Variants in TMEM123 observed in about 807,000 individuals in gnomAD.
TMEM123 encodes the protein porimin.
Under a neutral mutation model 19.7 loss-of-function variants are expected in TMEM123, and 16 were observed. That is an observed-to-expected ratio of 0.81 (90% CI 0.55 to 1.23). The LOEUF (loss-of-function observed/expected upper bound fraction) is 1.23. Ranked by LOEUF, TMEM123 falls within the 50% of genes most tolerant of loss-of-function variation. TMEM123 has a pLI of 0.00. For missense variants in TMEM123, 313 were observed against 257.8 expected (o/e 1.21, Z -1.47); for synonymous variants, 118 against 99.4 (o/e 1.19, Z -1.12).
At chr11:102,415,328 A>G (rs2051794006) in intron 2 of TMEM123, among the ~76,000 whole-genome samples, 1 of 152,200 alleles carries the variant, frequency 6.6e-6, no homozygotes, top group Admixed American at 6.5e-5. Context: ...CACTTGACCA[A>G]ATGGATCTAA....
intron 2 of TMEM123, among the ~76,000 whole-genome samples, chr11:102,433,499 C>T (rs1279710564): frequency 7.2e-5 from 11 of 151,816 alleles, no homozygotes; most frequent in African/African-American, 2.7e-4. Flanking sequence ...TAGGAAGTAA[C>T]TAACTTGCTT....
At chr11:102,402,878 A>C (rs903055921) in intron 2 of TMEM123, among the ~76,000 whole-genome samples, 2 of 152,250 alleles carry the variant, frequency 1.3e-5, no homozygotes, top group Non-Finnish European at 2.9e-5. Context: ...ATTTTGTATG[A>C]AAAGAAAAAT....
At chr11:102,431,218 T>C (rs1399541937) in intron 2 of TMEM123, among the ~76,000 whole-genome samples, 1 of 152,230 alleles carries the variant, frequency 6.6e-6, no homozygotes, top group African/African-American at 2.4e-5. Flanking sequence ...TTGATATATG[T>C]ACACAATGTG....
At chr11:102,405,372 G>A (rs1202916683) in intron 2 of TMEM123, among the ~76,000 whole-genome samples, 2 of 151,982 alleles carry the variant, frequency 1.3e-5, no homozygotes, top group Non-Finnish European at 2.9e-5. Context: ...TCTTAATAAG[G>A]CCAAAGGAAT....
At chr11:102,450,846 A>G (rs1364562700) in intron 1 of TMEM123, among the ~76,000 whole-genome samples, 1 of 152,258 alleles carries the variant, frequency 6.6e-6, no homozygotes, top group Non-Finnish European at 1.5e-5. Context: ...TCAGCCATTA[A>G]GAGTTTTAGT....
intron 2 of TMEM123, among the ~76,000 whole-genome samples, chr11:102,441,788 A>C (rs918472159): frequency 2.0e-5 from 3 of 152,156 alleles, no homozygotes; most frequent in Non-Finnish European, 4.4e-5. Flanking sequence ...GATCAACAAA[A>C]TTGATAGACC....
At chr11:102,403,578 T>C (rs991743219) in intron 2 of TMEM123, among the ~76,000 whole-genome samples, 2 of 152,240 alleles carry the variant, frequency 1.3e-5, no homozygotes, top group African/African-American at 2.4e-5. Context: ...TCCTGTCTCA[T>C]AGTTTATTTT....
chr11:102,451,920 A>G (rs1857944493), intron 1 of TMEM123, among the ~76,000 whole-genome samples: 1 of 152,190 alleles, frequency 6.6e-6, no homozygotes, highest in African/African-American at 2.4e-5. Context: ...GCGCCCCGCC[A>G]TGGGGGCGGC....
intron 2 of TMEM123, among the ~76,000 whole-genome samples, chr11:102,408,510 C>T (rs1383665381): frequency 6.6e-6 from 1 of 152,196 alleles, no homozygotes; most frequent in East Asian, 1.9e-4. Flanking sequence ...TACTTAATCT[C>T]TCTGAGATTC....
At chr11:102,441,733 CAA>C (rs781129811) in intron 2 of TMEM123, among the ~76,000 whole-genome samples, 3 of 129,702 alleles carry the variant, frequency 2.3e-5, no homozygotes, top group African/African-American at 8.5e-5. Flanking sequence ...AAAAACCCTT[CAA>C]AAAAAAAAAA....
chr11:102,427,574 G>A (rs1952140253), intron 2 of TMEM123, among the ~76,000 whole-genome samples: 1 of 150,718 alleles, frequency 6.6e-6, no homozygotes, highest in Admixed American at 6.6e-5. Flanking sequence ...TGCGGTGGCT[G>A]ATGTCTGTAA....
intron 4 of TMEM123, among the ~76,000 whole-genome samples, 175 bp downstream of exon 4, chr11:102,401,364 T>C (rs1020965784): frequency 2.0e-5 from 3 of 152,208 alleles, no homozygotes; most frequent in African/African-American, 4.8e-5. Context: ...CAAATAATTA[T>C]AATCACAAGC....
intron 2 of TMEM123, among the ~76,000 whole-genome samples, chr11:102,444,019 T>C (rs184919475): frequency 2.0e-4 from 30 of 152,220 alleles, no homozygotes; most frequent in African/African-American, 6.7e-4. Flanking sequence ...GCAGTTACAA[T>C]GGCAATCATT....
chr11:102,399,638 A>G (rs925193476), intron 4 of TMEM123, among the ~76,000 whole-genome samples: 1 of 152,216 alleles, frequency 6.6e-6, no homozygotes, highest in Non-Finnish European at 1.5e-5. Flanking sequence ...TTGATATGAT[A>G]AATATATGCA....
chr11:102,441,963 A>C (rs1857831170), intron 2 of TMEM123, among the ~76,000 whole-genome samples: 1 of 152,198 alleles, frequency 6.6e-6, no homozygotes, highest in African/African-American at 2.4e-5. Flanking sequence ...GAAATGGATA[A>C]ATTCCTGGAC....
intron 1 of TMEM123, chr11:102,449,133 T>C: frequency 6.0e-6 from 2 of 333,310 alleles, no homozygotes; most frequent in South Asian, 3.1e-5. Context: ...AGCCACCGAA[T>C]GCAACAGCTT....
chr11:102,402,609 A>G (rs1951923820), intron 2 of TMEM123, among the ~76,000 whole-genome samples: 2 of 152,358 alleles, frequency 1.3e-5, no homozygotes, highest in Non-Finnish European at 2.9e-5. Context: ...ATGGTTTTTA[A>G]ATTTCCAGTT....
chr11:102,452,299 A>G (rs1435670387), intron 1 of TMEM123: 2 of 394,558 alleles, frequency 5.1e-6, no homozygotes, highest in Non-Finnish European at 9.0e-6. Flanking sequence ...CCAAAAAGCG[A>G]GAGGGGAAGC....
chr11:102,442,470 GA>G (rs1230506831), intron 2 of TMEM123, among the ~76,000 whole-genome samples: 1 of 152,130 alleles, frequency 6.6e-6, no homozygotes, highest in African/African-American at 2.4e-5. Context: ...AATAGATGCA[GA>G]AAAGGCCTTC....
Sources: allele counts gnomAD v4.1 joint callset (sites outside exome capture counted in the v4.1 genomes callset), GRCh38; gene constraint gnomAD v4.1.1; transcripts MANE v1.5; gene names NCBI Gene and HGNC (gene_info 2026-07-23, HGNC 2026-07-21).